The following KYNU variants were observed in gnomAD, a reference collection of about 807,000 sequenced individuals.
The protein encoded by KYNU is L-kynurenine hydrolase.
Under a neutral mutation model 59.2 loss-of-function variants are expected in KYNU, and 54 were observed. That is an observed-to-expected ratio of 0.91 (90% CI 0.73 to 1.14). The LOEUF is 1.14. Among genes scored for constraint, KYNU ranks in the 50% most tolerant of loss-of-function variants. The pLI, the probability that KYNU is intolerant of heterozygous loss-of-function variation, is 0.00. For missense variants in KYNU, 567 were observed against 554.4 expected (o/e 1.02, Z -0.23); for synonymous variants, 177 against 192.0 (o/e 0.92, Z 0.65).
chr2:143,016,744 A>T (rs1052890878), intron 10 of KYNU, among the ~76,000 whole-genome samples: 1 of 151,998 alleles, frequency 6.6e-6, no homozygotes, highest in African/African-American at 2.4e-5. Context: ...TATTTTTATA[A>T]CTTCACCTTT....
At chr2:142,881,727 T>C (rs1435170371) in intron 1 of KYNU, among the ~76,000 whole-genome samples, 1 of 152,108 alleles carries the variant, frequency 6.6e-6, no homozygotes, top group African/African-American at 2.4e-5. Flanking sequence ...TCAATACTTA[T>C]TTGAAACTTA....
intron 13 of KYNU, among the ~76,000 whole-genome samples, chr2:143,041,262 A>G (rs769268210): frequency 4.6e-5 from 7 of 152,036 alleles, no homozygotes; most frequent in Non-Finnish European, 1.0e-4. Flanking sequence ...TCTACTTCCA[A>G]TGATTATGTA....
In KYNU at chr2:142,985,085, G is replaced by T. The variant is rs1480730349; in HGVS notation, c.731G>T (p.Gly244Val). 1.9e-6 allele frequency: 3 copies of T among 1,574,746 alleles called. No homozygotes were observed. The East Asian group carries it at 6.7e-5, about 35-fold the overall frequency. Reference protein sequence around the residue: ...PAITKAGQAKGCYVGFDLAHA... With the variant: ...PAITKAGQAKVCYVGFDLAHA... ...GCTTATTATTGTGTTCTTCCCTAGG[G>T]TTGTTATGTTGGCTTTGATCTAGCA... Residue 244 changes from glycine to valine, a missense_variant and splice_region_variant, in exon 9 of 14, where the codon GGT becomes GTT. Coordinates refer to ENST00000264170, the MANE Select transcript of KYNU (RefSeq NM_003937.3).
At chr2:142,943,693 A>G (rs766334159) in intron 4 of KYNU, among the ~76,000 whole-genome samples, 4 of 152,192 alleles carry the variant, frequency 2.6e-5, no homozygotes, top group Non-Finnish European at 5.9e-5. Flanking sequence ...TAATGTGAAC[A>G]TAAATTTGCT....
chr2:142,926,448 G>A (rs890827399), intron 3 of KYNU, among the ~76,000 whole-genome samples: 1 of 152,150 alleles, frequency 6.6e-6, no homozygotes, highest in African/African-American at 2.4e-5. Context: ...AGCAGGTTTT[G>A]ATCAATAGAA....
chr2:143,012,640 T>C lies in KYNU; in HGVS notation c.903-16987T>C, dbSNP rs749079568. On this transcript the variant is annotated intron_variant, in intron 10 of 13. Transcript: ENST00000264170. ...TGATGTATGGGATACATAGAAGCAG[T>C]AAAAGGTCGCTGTAGTGAAGCAGAT... 1.0e-3 allele frequency among the ~76,000 whole-genome samples: 159 copies of C among 152,214 alleles called. 2 individuals are homozygous for C. The highest frequency in any genetic ancestry group is 2.9e-4 in the Non-Finnish European group (20 of 68,040).
intron 10 of KYNU, among the ~76,000 whole-genome samples, chr2:143,004,040 GA>G (rs769180077): frequency 2.0e-4 from 30 of 152,272 alleles, no homozygotes; most frequent in Non-Finnish European, 1.6e-4. Context: ...ACTTCCAGAA[GA>G]CAGATTACTT....
intron 1 of KYNU, among the ~76,000 whole-genome samples, chr2:142,878,327 C>T (rs1193511372): frequency 6.6e-6 from 1 of 151,924 alleles, no homozygotes; most frequent in Non-Finnish European, 1.5e-5. Context: ...AGTAGTAACA[C>T]TGAAGCAAAT....
At chr2:142,970,868 C>G (rs116488409) in intron 8 of KYNU, among the ~76,000 whole-genome samples, 27 of 152,196 alleles carry the variant, frequency 1.8e-4, no homozygotes, top group African/African-American at 6.0e-4. Flanking sequence ...TATTCCCTGT[C>G]TCAATGTCCT....
At chr2:142,946,871 T>C (rs1683802625) in intron 4 of KYNU, among the ~76,000 whole-genome samples, 1 of 152,208 alleles carries the variant, frequency 6.6e-6, no homozygotes, top group Non-Finnish European at 1.5e-5. Context: ...TGAAAATCCG[T>C]TGTTTAGTGA....
intron 10 of KYNU, among the ~76,000 whole-genome samples, chr2:143,007,326 A>G (rs868832256): frequency 6.6e-6 from 1 of 150,704 alleles, no homozygotes; most frequent in Non-Finnish European, 1.5e-5. Flanking sequence ...GATGAAATGA[A>G]TGAAATGAAA....
rs192184697 is a variant in KYNU, at chr2:142,930,099, A to C, written c.373+2358A>C. Among the ~76,000 whole-genome samples, 9 of 152,258 alleles carry C rather than the reference A, an allele frequency of 5.9e-5. No individual in the cohort carries two copies. The East Asian group carries it at 1.7e-3, about 29-fold the overall frequency. On this transcript the variant is annotated intron_variant, in intron 4 of 13. Coordinates refer to ENST00000264170, the MANE Select transcript of KYNU (RefSeq NM_003937.3). Reference sequence around the variant, plus strand: ...TCTTCTTTATCTGTCATTTGATGTTACGCCAGAGTAAGGTTGGAAAGTAAG... The same window carrying C: ...TCTTCTTTATCTGTCATTTGATGTTCCGCCAGAGTAAGGTTGGAAAGTAAG...
At chr2:143,027,989 A>G (rs953987571) in intron 10 of KYNU, among the ~76,000 whole-genome samples, 1 of 151,986 alleles carries the variant, frequency 6.6e-6, no homozygotes, top group Non-Finnish European at 1.5e-5. Flanking sequence ...ATTCCTCACT[A>G]TACTTTTCTA....
intron 2 of KYNU, among the ~76,000 whole-genome samples, chr2:142,888,594 T>C (rs1037607096): frequency 1.3e-5 from 2 of 152,094 alleles, no homozygotes; most frequent in Admixed American, 1.3e-4. Context: ...TTATTAAAAA[T>C]ACAAGTTCTT....
intron 8 of KYNU, 127 bp from the exon 9 acceptor site, chr2:142,984,957 C>T: frequency 1.4e-6 from 1 of 708,944 alleles, no homozygotes; most frequent in East Asian, 2.7e-5. Context: ...CTTTGTGAAC[C>T]ATTGCATCAA....
intron 10 of KYNU, among the ~76,000 whole-genome samples, chr2:142,987,391 G>T (rs1685240838): frequency 6.6e-6 from 1 of 151,902 alleles, no homozygotes; most frequent in South Asian, 2.1e-4. Context: ...TGACCTCCTA[G>T]CACACACAGG....
At chr2:143,021,026 A>G (rs1686392312) in intron 10 of KYNU, among the ~76,000 whole-genome samples, 1 of 152,244 alleles carries the variant, frequency 6.6e-6, no homozygotes. Context: ...ATTTGTATTT[A>G]TATTATTAGT....
In KYNU at chr2:143,044,873, C is replaced by T. The variant is rs1687140624; in HGVS notation, c.*2701C>T. On this transcript the variant is annotated 3_prime_UTR_variant, in exon 14 of 14. Coordinates refer to ENST00000264170, the MANE Select transcript of KYNU (RefSeq NM_003937.3). ...TCAGTTTTGGCTTTTGTTGCAATTG[C>T]TTTTGGTGTTTTAGTCTTAAATTCT... The T allele has an allele frequency of 6.7e-6, 1 of 150,286 alleles. No individual in the cohort carries two copies. Among genetic ancestry groups the T allele is most frequent in the Non-Finnish European group, 1.5e-5 (1 of 67,738 alleles). The allele number at this position is 150,286 out of a possible 1,614,324, so 9.3% of individuals were successfully genotyped here.
chr2:142,905,189 C>T (rs981386497), intron 2 of KYNU, among the ~76,000 whole-genome samples: 2 of 151,970 alleles, frequency 1.3e-5, no homozygotes, highest in Non-Finnish European at 2.9e-5. Context: ...CAGATTAAGT[C>T]CTTTTGGGTA....
Sources: gnomAD v4.1 joint callset for allele counts (sites outside exome capture counted in the v4.1 genomes callset) on GRCh38, gnomAD v4.1.1 for gene constraint, MANE v1.5 for transcripts, NCBI Gene and HGNC (gene_info 2026-07-23, HGNC 2026-07-21) for gene names.